The following TAOK1 variants were observed in gnomAD, a reference collection of about 807,000 sequenced individuals.
The protein encoded by TAOK1 is TAO kinase 1.
A neutral mutation model predicts 138.3 loss-of-function variants in TAOK1; 21 were observed. The ratio of observed to expected loss-of-function variants is 0.15; its 90% CI spans 0.11 to 0.22. The LOEUF (loss-of-function observed/expected upper bound fraction) is 0.22, where lower values mean the gene tolerates loss of function less well. Ranked by LOEUF, TAOK1 falls within the 10% of genes least tolerant of loss-of-function variation. TAOK1 has a pLI of 1.00. For missense variants in TAOK1, 651 were observed against 1,227.7 expected (o/e 0.53, Z 7.02); for synonymous variants, 361 against 398.4 (o/e 0.91, Z 1.12).
chr17:29,397,361 T>TGGGA (rs548920492), intron 1 of TAOK1, among the ~76,000 whole-genome samples: 13 of 151,272 alleles, frequency 8.6e-5, no homozygotes, highest in Non-Finnish European at 1.3e-4. Context: ...CTCAGCACTT[T>TGGGA]GGGAGGCCAA....
intron 10 of TAOK1, among the ~76,000 whole-genome samples, chr17:29,493,918 A>T (rs941966189): frequency 6.0e-4 from 89 of 149,244 alleles, no homozygotes; most frequent in African/African-American, 2.1e-3. Flanking sequence ...AATAATAATT[A>T]TTTTTTTTTT....
intron 13 of TAOK1, among the ~76,000 whole-genome samples, chr17:29,503,595 A>G (rs573540852): frequency 5.9e-4 from 90 of 152,292 alleles, no homozygotes; most frequent in African/African-American, 2.0e-3. Context: ...AATCAGACAG[A>G]TAAGTAAAAC....
At chr17:29,493,174 A>G (rs2031338822) in intron 10 of TAOK1, among the ~76,000 whole-genome samples, 4 of 151,518 alleles carry the variant, frequency 2.6e-5, no homozygotes. Context: ...ACAATATTGT[A>G]AATAGTGGTA....
At chr17:29,397,626 A>ACG (rs58767952) in intron 1 of TAOK1, among the ~76,000 whole-genome samples, 3 of 107,460 alleles carry the variant, frequency 2.8e-5, no homozygotes, top group Admixed American at 1.0e-4. Flanking sequence ...ATATATATAT[A>ACG]TATACATGTA....
At chr17:29,466,011 C>G (rs1264910751) in intron 2 of TAOK1, among the ~76,000 whole-genome samples, 2 of 151,966 alleles carry the variant, frequency 1.3e-5, no homozygotes, top group African/African-American at 2.4e-5. Flanking sequence ...TTGGCCTTCT[C>G]TACAATTGAA....
intron 4 of TAOK1, among the ~76,000 whole-genome samples, chr17:29,477,330 G>T (rs181628146): frequency 6.3e-4 from 96 of 151,892 alleles, no homozygotes; most frequent in South Asian, 2.9e-3. Flanking sequence ...AAGAAATAGT[G>T]TATTTCTTTA....
Position 29,543,094 on chromosome 17 carries a change from C to A in TAOK1, c.*72C>A. ...AAACTGCCTACAGACATCATCACAGCAGCCTCCTCACTTGGGTACTACAGT... is the reference window on the plus strand; with the variant it reads ...AAACTGCCTACAGACATCATCACAGAAGCCTCCTCACTTGGGTACTACAGT... On this transcript the variant is annotated 3_prime_UTR_variant, in exon 20 of 20. Coordinates refer to ENST00000261716, the MANE Select transcript of TAOK1 (RefSeq NM_020791.4). The A allele has an allele frequency of 1.5e-6, 2 of 1,323,198 alleles. No individual in the cohort carries two copies. Among genetic ancestry groups the A allele is most frequent in the Non-Finnish European group, 2.1e-6 (2 of 973,904 alleles). 82.0% of individuals were successfully genotyped at this position (1,323,198 alleles called of 1,614,324 possible).
At chr17:29,450,736 G>A (rs1054804215) in intron 1 of TAOK1, among the ~76,000 whole-genome samples, 1 of 152,108 alleles carries the variant, frequency 6.6e-6, no homozygotes, top group Admixed American at 6.6e-5. Flanking sequence ...GGCTGGTCAT[G>A]AACTCCTGGT....
intron 1 of TAOK1, among the ~76,000 whole-genome samples, chr17:29,396,474 T>C (rs1255421795): frequency 6.6e-6 from 1 of 152,234 alleles, no homozygotes; most frequent in African/African-American, 2.4e-5. Context: ...TATTTAAATA[T>C]AATGGCACTT....
chr17:29,467,727 C>G (rs2030705970), intron 3 of TAOK1, among the ~76,000 whole-genome samples: 1 of 152,064 alleles, frequency 6.6e-6, no homozygotes, highest in Admixed American at 6.6e-5. Flanking sequence ...CCATTTAACT[C>G]TAATAGTACT....
chr17:29,540,503 T>TC (rs1404160260), intron 19 of TAOK1, among the ~76,000 whole-genome samples: 2 of 152,198 alleles, frequency 1.3e-5, no homozygotes, highest in African/African-American at 4.8e-5. Flanking sequence ...TAGCTGGGAT[T>TC]ACAGGCACCT....
intron 1 of TAOK1, among the ~76,000 whole-genome samples, chr17:29,394,153 T>G (rs1477504972): frequency 4.9e-5 from 4 of 81,508 alleles, no homozygotes; most frequent in East Asian, 3.3e-4. Flanking sequence ...TTTGCCAGTT[T>G]TTTTTTTTTT....
At chr17:29,454,605 CATTT>C (rs2030328265) in intron 2 of TAOK1, among the ~76,000 whole-genome samples, 1 of 152,056 alleles carries the variant, frequency 6.6e-6, no homozygotes, top group African/African-American at 2.4e-5. Context: ...TCTTTCTAAA[CATTT>C]ATTTATAGCT....
rs1233432312 is a variant in TAOK1, at chr17:29,510,962, G to A, written c.1674G>A (p.Glu558=). 2 of 1,607,862 alleles carry A rather than the reference G, an allele frequency of 1.2e-6. No individual in the cohort carries two copies. The highest frequency in any genetic ancestry group is 1.3e-5 in the African/African-American group (1 of 74,708). Residue 558 remains glutamate, a synonymous_variant, in exon 15 of 20, where the codon GAG becomes GAA. Transcript: ENST00000261716. The part of the protein sequence containing the change: ...LNSFLESQKR[E]YKLRKEQLKE... ...GTTTTCTCGAGTCCCAGAAAAGAGA[G>A]TATAAACTTCGAAAAGAGCAGCTTA...
At chr17:29,449,529 T>G (rs909889037) in intron 1 of TAOK1, among the ~76,000 whole-genome samples, 1 of 152,126 alleles carries the variant, frequency 6.6e-6, no homozygotes, top group African/African-American at 2.4e-5. Flanking sequence ...GATGGAGCTG[T>G]TTTTTTCTCT....
intron 2 of TAOK1, among the ~76,000 whole-genome samples, chr17:29,457,089 C>CTTTTTTTTTTTTTTTTTTTTTTTTTTTTT (rs548221652): frequency 2.8e-5 from 3 of 107,408 alleles, no homozygotes; most frequent in Non-Finnish European, 3.7e-5. Context: ...TTTTCTTTTT[C>CTTTTTTTTTTTTTTTTTTTTTTTTTTTTT]TTTTTTTTTT....
intron 19 of TAOK1, among the ~76,000 whole-genome samples, chr17:29,536,063 G>T (rs557521365): frequency 1.4e-5 from 2 of 142,118 alleles, no homozygotes; most frequent in East Asian, 4.3e-4. Flanking sequence ...GAGGCCGAGG[G>T]TTGGGGGAGC....
rs568060438 is a variant in TAOK1 at position 29,520,697 on chromosome 17, G to C, written c.1909-1583G>C. ...CCCAGAGTGCTGGGATTACAGGCGTGAGCCACCGTGCCCAGCCAAAAAATT... is the reference window on the plus strand; with the variant it reads ...CCCAGAGTGCTGGGATTACAGGCGTCAGCCACCGTGCCCAGCCAAAAAATT... On this transcript the variant is annotated intron_variant, in intron 16 of 19. Transcript: ENST00000261716. Among the ~76,000 whole-genome samples the C allele has an allele frequency of 7.3e-5, 11 of 151,162 alleles. No homozygotes were observed. The South Asian group carries it at 1.5e-3, about 20-fold the overall frequency.
intron 1 of TAOK1, among the ~76,000 whole-genome samples, chr17:29,429,304 CTTTG>C (rs1371634845): frequency 6.7e-6 from 1 of 149,086 alleles, no homozygotes; most frequent in African/African-American, 2.5e-5. Context: ...TTTTTCTTTT[CTTTG>C]TTTTTTTGGA....
Sources: gnomAD v4.1 joint callset for allele counts (sites outside exome capture counted in the v4.1 genomes callset) on GRCh38, gnomAD v4.1.1 for gene constraint, MANE v1.5 for transcripts, NCBI Gene and HGNC (gene_info 2026-07-23, HGNC 2026-07-21) for gene names.